Variants in ATP11A observed in about 807,000 individuals in gnomAD.
ATP11A encodes phospholipid-transporting ATPase IH.
ATP11A carries 81 observed loss-of-function variants against 154.4 expected under a neutral mutation model. The ratio of observed to expected loss-of-function variants is 0.52; its 90% CI spans 0.44 to 0.63. ATP11A has a LOEUF of 0.63. Ranked by LOEUF, ATP11A falls within the 30% of genes least tolerant of loss-of-function variation. The probability of loss-of-function intolerance (pLI) is 0.00; values close to 1 mark genes in which losing one functional copy is unlikely to be tolerated. For missense variants in ATP11A, 1,316 were observed against 1,474.3 expected, an observed-to-expected ratio of 0.89 and a Z score of 1.76; for synonymous variants, 623 against 585.9, an observed-to-expected ratio of 1.06 and a Z score of -0.91.
chr13:112,795,246 A>G (rs938371629), intron 2 of ATP11A, among the ~76,000 whole-genome samples: 4 of 152,248 alleles, frequency 2.6e-5, no homozygotes, highest in African/African-American at 7.2e-5. Context: ...CTTCATCTCA[A>G]AATAAATAAA....
intron 25 of ATP11A, among the ~76,000 whole-genome samples, chr13:112,864,186 G>A (rs140938730): frequency 4.0e-4 from 23 of 57,140 alleles, no homozygotes; most frequent in South Asian, 1.4e-3. Context: ...AGTGCAGCAC[G>A]TGCAGCTTCC....
At chr13:112,709,964 G>A (rs1887558321) in intron 1 of ATP11A, among the ~76,000 whole-genome samples, 1 of 152,280 alleles carries the variant, frequency 6.6e-6, no homozygotes, top group African/African-American at 2.4e-5. Context: ...CCCTGTTGGA[G>A]CTGATGCTGC....
intron 2 of ATP11A, among the ~76,000 whole-genome samples, chr13:112,789,183 C>T (rs1306124924): frequency 6.6e-6 from 1 of 151,338 alleles, no homozygotes; most frequent in African/African-American, 2.4e-5. Context: ...CCTGTGGAGA[C>T]CTACTTAATT....
chr13:112,719,765 T>C (rs914856003), intron 1 of ATP11A, among the ~76,000 whole-genome samples: 3 of 152,226 alleles, frequency 2.0e-5, no homozygotes, highest in African/African-American at 7.2e-5. Flanking sequence ...CCGGTCTGTT[T>C]TGGGACCTGT....
At position 112,809,523 on chromosome 13, in the gene ATP11A, C is replaced by G. The variant is rs1474539518; in HGVS notation, c.334-1096C>G. On this transcript the variant is annotated intron_variant, in intron 4 of 29. Coordinates refer to ENST00000375645, the MANE Select transcript of ATP11A (RefSeq NM_015205.3). ...GCAGCGGGCCCGTGGCACAGGCTTC[C>G]TGCCGCCATCCTGTGTGGTTGTGTG... Among the ~76,000 whole-genome samples the G allele has an allele frequency of 2.6e-5, 4 of 152,322 alleles. No homozygotes were observed. In the South Asian group the frequency reaches 8.3e-4, roughly 32 times the overall value.
At chr13:112,730,852 A>G (rs888440310) in intron 1 of ATP11A, among the ~76,000 whole-genome samples, 3 of 152,246 alleles carry the variant, frequency 2.0e-5, no homozygotes, top group South Asian at 2.1e-4. Context: ...CTGTGACGGC[A>G]GCAGGTCGGT....
chr13:112,831,654 C>G (rs901752235), intron 13 of ATP11A, 106 bp downstream of exon 13: 4 of 1,332,524 alleles, frequency 3.0e-6, no homozygotes, highest in Non-Finnish European at 1.0e-6. Flanking sequence ...CAGGCCCTCT[C>G]TACGGACTTC....
At chr13:112,864,312 G>A (rs1371021068) in intron 25 of ATP11A, among the ~76,000 whole-genome samples, 4 of 67,556 alleles carry the variant, frequency 5.9e-5, no homozygotes, top group African/African-American at 5.7e-5. Context: ...TCCCAGCGGG[G>A]TCCATCACCA....
chr13:112,771,476 C>T (rs978319707), intron 1 of ATP11A, among the ~76,000 whole-genome samples: 16 of 152,284 alleles, frequency 1.1e-4, no homozygotes, highest in African/African-American at 3.4e-4. Context: ...TGCCCTCAGC[C>T]GTTTCTCTCT....
rs116698939 is a variant in ATP11A, at chr13:112,761,809, C to T, written c.40-23326C>T. On this transcript the variant is annotated intron_variant, in intron 1 of 29. Coordinates refer to ENST00000375645, the MANE Select transcript of ATP11A (RefSeq NM_015205.3). ...TGTCACTTGTCAGCCGGTGTGGCCCCGGCTGGAACACTGTGGCTCATTCTA... is the reference window on the plus strand; with the variant it reads ...TGTCACTTGTCAGCCGGTGTGGCCCTGGCTGGAACACTGTGGCTCATTCTA... Among the ~76,000 whole-genome samples, 568 of 152,312 alleles carry T rather than the reference C, an allele frequency of 3.7e-3. 3 individuals are homozygous for T. Among genetic ancestry groups the T allele is most frequent in the African/African-American group, 0.011 (469 of 41,564 alleles).
chr13:112,720,239 G>T (rs1370030993), intron 1 of ATP11A, among the ~76,000 whole-genome samples: 5 of 152,236 alleles, frequency 3.3e-5, no homozygotes, highest in Non-Finnish European at 7.3e-5. Context: ...CCACAAATCG[G>T]TACATGGAAG....
Position 112,825,589 on chromosome 13 carries a change from A to G in ATP11A, c.1023+9A>G, listed in dbSNP as rs1300682066. On this transcript the variant is annotated intron_variant, in intron 11 of 29. Transcript: ENST00000375645. ...AAAGGCAGAGGAATCTGGTATGGAG[A>G]ATCACTGCCCTTGTATGATCCGAGG... The G allele has an allele frequency of 1.9e-6, 3 of 1,609,598 alleles. No individual in the cohort carries two copies. In the African/African-American group the frequency reaches 4.0e-5, roughly 22 times the overall value.
intron 1 of ATP11A, among the ~76,000 whole-genome samples, chr13:112,772,217 AC>A (rs2077242882): frequency 6.6e-6 from 1 of 152,196 alleles, no homozygotes; most frequent in South Asian, 2.1e-4. Flanking sequence ...TGCTCTATAT[AC>A]TATATATAAA....
intron 1 of ATP11A, among the ~76,000 whole-genome samples, chr13:112,781,386 C>T (rs2140008552): frequency 6.6e-6 from 1 of 152,240 alleles, no homozygotes; most frequent in African/African-American, 2.4e-5. Context: ...GTATGTCTGG[C>T]CCTGGATTCA....
At chr13:112,762,157 G>C (rs1257307443) in intron 1 of ATP11A, among the ~76,000 whole-genome samples, 2 of 152,128 alleles carry the variant, frequency 1.3e-5, no homozygotes, top group Non-Finnish European at 2.9e-5. Flanking sequence ...ACCTTCACAG[G>C]GCAGCTAACT....
intron 1 of ATP11A, among the ~76,000 whole-genome samples, chr13:112,779,600 A>T (rs1438759719): frequency 6.6e-6 from 1 of 152,228 alleles, no homozygotes; most frequent in African/African-American, 2.4e-5. Flanking sequence ...TGAAACAGAG[A>T]AGCACTTCTG....
Position 112,857,996 on chromosome 13 carries a change from C to T in ATP11A, c.2521+76C>T, listed in dbSNP as rs1384117506. ...CGCTAGACAAAGGCCCATGGCAGCA[C>T]GCAGGTGCATTCAGGACACCCCCGT... is the stretch of plus-strand genomic sequence containing the variant. On this transcript the variant is annotated intron_variant, in intron 21 of 29. Coordinates refer to ENST00000375645, the MANE Select transcript of ATP11A (RefSeq NM_015205.3). 32 of 1,572,354 alleles carry T rather than the reference C, an allele frequency of 2.0e-5. 1 individual carries two copies. The East Asian group carries it at 4.7e-4, about 23-fold the overall frequency.
At chr13:112,766,063 G>A (rs951589016) in intron 1 of ATP11A, among the ~76,000 whole-genome samples, 17 of 152,182 alleles carry the variant, frequency 1.1e-4, no homozygotes, top group Admixed American at 8.5e-4. Flanking sequence ...TTGACGCAGC[G>A]TTTTCCGATG....
rs994329555 is a variant in ATP11A at position 112,759,948 on chromosome 13, C to G, written c.40-25187C>G. On this transcript the variant is annotated intron_variant, in intron 1 of 29. Coordinates refer to ENST00000375645, the MANE Select transcript of ATP11A (RefSeq NM_015205.3). ...CATGCAACAGAAAGCACCACCTTGTCGAATCGATGTGCTGAGCTAATTCCT... is the reference window on the plus strand; with the variant it reads ...CATGCAACAGAAAGCACCACCTTGTGGAATCGATGTGCTGAGCTAATTCCT... Among the ~76,000 whole-genome samples the G allele has an allele frequency of 5.3e-5, 8 of 152,250 alleles. No individual in the cohort carries two copies. In the East Asian group the frequency reaches 1.5e-3, roughly 29 times the overall value.
Sources: gnomAD v4.1 joint callset for allele counts (sites outside exome capture counted in the v4.1 genomes callset) on GRCh38, gnomAD v4.1.1 for gene constraint, MANE v1.5 for transcripts, NCBI Gene and HGNC (gene_info 2026-07-23, HGNC 2026-07-21) for gene names.